The following BIN3 variants were observed in gnomAD, a reference collection of about 807,000 sequenced individuals.
BIN3 encodes bridging integrator 3.
In BIN3, 41 loss-of-function variants were observed where a neutral mutation model predicts 38.2. The ratio of observed to expected loss-of-function variants is 1.07; its 90% CI spans 0.84 to 1.39. The LOEUF is 1.39. Ranked by LOEUF, BIN3 falls within the 40% of genes most tolerant of loss-of-function variation. The pLI is 0.00. For synonymous variants in BIN3, 145 were observed against 122.6 expected, an observed-to-expected ratio of 1.18 and a Z score of -1.21; for missense variants, 361 against 324.3, an observed-to-expected ratio of 1.11 and a Z score of -0.87.
intron 6 of BIN3, chr8:22,629,715 CTGGGTGGGGTGGGAAGGGGGTGG>C: frequency 1.8e-6 from 1 of 566,990 alleles, no homozygotes; most frequent in Non-Finnish European, 3.1e-6. Context: ...GCGGCGGTTG[CTGGGTGGGGTGGGAAGGGGGTGG>C]TGGCAGGGGT....
intron 8 of BIN3, among the ~76,000 whole-genome samples, chr8:22,623,230 C>T (rs1182983944): frequency 6.6e-6 from 1 of 152,166 alleles, no homozygotes; most frequent in Non-Finnish European, 1.5e-5. Context: ...TCTATTTTGC[C>T]AGTTGGGGGA....
At position 22,621,110 on chromosome 8, in the gene BIN3, G is replaced by C; in HGVS notation, c.*312C>G. 3.2e-6 allele frequency: 1 copy of C among 310,562 alleles called. No individual in the cohort carries two copies. Among genetic ancestry groups the C allele is most frequent in the Non-Finnish European group, 6.0e-6 (1 of 166,842 alleles). 19.2% of individuals were successfully genotyped at this position (310,562 alleles called of 1,614,324 possible). A position where few individuals can be genotyped will look rare whatever the true frequency, so the allele number is the denominator to read the frequency against. On this transcript the variant is annotated 3_prime_UTR_variant, in exon 9 of 9. Coordinates refer to ENST00000276416, the MANE Select transcript of BIN3 (RefSeq NM_018688.6). ...GGCTAAGACCCCCAACTTAGCCAAC[G>C]AAGCCCATGGCCTCAGAAGGGCTGC...
At position 22,629,969 on chromosome 8, in the gene BIN3, T is replaced by C; in HGVS notation, c.333A>G (p.Leu111=). 1 of 1,608,602 alleles carries C rather than the reference T, an allele frequency of 6.2e-7. No individual in the cohort carries two copies. The highest frequency in any genetic ancestry group is 8.5e-7 in the Non-Finnish European group (1 of 1,177,266). Residue 111 remains leucine, a synonymous_variant, in exon 6 of 9, where the codon TTA becomes TTG. Coordinates refer to ENST00000276416, the MANE Select transcript of BIN3 (RefSeq NM_018688.6). ...CCCAGGTGACATTTACTCACTTTTT[T>C]AAGGGCTCGATCACAGTCTTCTGGA... The part of the protein sequence containing the change: ...NQIQKTVIEP[L]KKFGSVFPSL...
intron 2 of BIN3, among the ~76,000 whole-genome samples, chr8:22,641,099 C>G (rs771726313): frequency 6.6e-5 from 10 of 152,292 alleles, no homozygotes; most frequent in Middle Eastern, 3.4e-3. Flanking sequence ...CACACTGGAG[C>G]CTCATTCCGA....
chr8:22,649,420 A>G (rs1165429796), intron 1 of BIN3, among the ~76,000 whole-genome samples: 1 of 151,026 alleles, frequency 6.6e-6, no homozygotes, highest in Non-Finnish European at 1.5e-5. Context: ...CAACTATTAC[A>G]GAAAAACGTG....
At chr8:22,668,676 G>A (rs1434100610) in intron 1 of BIN3, among the ~76,000 whole-genome samples, 4 of 152,274 alleles carry the variant, frequency 2.6e-5, no homozygotes, top group Non-Finnish European at 5.9e-5. Context: ...GGAGGGACTG[G>A]CGCGGGGCAG....
intron 1 of BIN3, among the ~76,000 whole-genome samples, chr8:22,647,892 C>T (rs529624993): frequency 3.9e-5 from 6 of 151,952 alleles, no homozygotes; most frequent in South Asian, 2.1e-4. Flanking sequence ...TTTGGGAGGC[C>T]GAGGCGGGTG....
intron 7 of BIN3, 36 bp downstream of exon 7, chr8:22,624,186 C>T (rs1801934350): frequency 1.2e-6 from 2 of 1,602,198 alleles, no homozygotes; most frequent in Non-Finnish European, 1.7e-6. Context: ...CGATGGCCCA[C>T]CTGTCTAGCC....
intron 1 of BIN3, among the ~76,000 whole-genome samples, chr8:22,645,298 C>T (rs1201108615): frequency 6.9e-6 from 1 of 144,362 alleles, no homozygotes; most frequent in Non-Finnish European, 1.5e-5. Context: ...GATCCTATCT[C>T]AAAAAAAAAA....
intron 1 of BIN3, among the ~76,000 whole-genome samples, chr8:22,652,073 CTTATTT>C (rs998810973): frequency 2.7e-5 from 4 of 149,596 alleles, no homozygotes; most frequent in African/African-American, 9.8e-5. Flanking sequence ...AAAATGGTAT[CTTATTT>C]TTATTTCATG....
chr8:22,664,866 A>T (rs1803362515), intron 1 of BIN3, among the ~76,000 whole-genome samples: 1 of 152,254 alleles, frequency 6.6e-6, no homozygotes, highest in African/African-American at 2.4e-5. Context: ...CGGTAATCAT[A>T]GGGGAAAGGA....
rs1183550036 is a variant in BIN3 at position 22,630,600 on chromosome 8, T to C, written c.161-22A>G. The C allele has an allele frequency of 1.9e-6, 3 of 1,613,308 alleles. No individual in the cohort carries two copies. The South Asian group carries it at 3.3e-5, about 18-fold the overall frequency. On this transcript the variant is annotated intron_variant, in intron 4 of 8. Coordinates refer to ENST00000276416, the MANE Select transcript of BIN3 (RefSeq NM_018688.6). ...ATGGCTGTGGGAAGCCAAAGCTCGG[T>C]GAACCTTCTATGAAGGGGCAGGTTT...
chr8:22,660,146 A>G (rs1334184070), intron 1 of BIN3, among the ~76,000 whole-genome samples: 1 of 152,256 alleles, frequency 6.6e-6, no homozygotes, highest in Non-Finnish European at 1.5e-5. Context: ...GTGGAGGCCG[A>G]CAGAGCACCT....
Position 22,621,443 on chromosome 8 carries a change from G to A in BIN3, c.741C>T (p.Leu247=). Residue 247 remains leucine, a synonymous_variant, in exon 9 of 9, where the codon CTC becomes CTT. Coordinates refer to ENST00000276416, the MANE Select transcript of BIN3 (RefSeq NM_018688.6). ...GGATTCAGTCATCGGCCACAATGGA[G>A]AGGGCCCGGAGCTCACTGAGTTTGG... ...NEAKLSELRA[L]SIVADD The A allele has an allele frequency of 6.2e-7, 1 of 1,613,614 alleles. No homozygotes were observed. The highest frequency in any genetic ancestry group is 8.5e-7 in the Non-Finnish European group (1 of 1,179,790).
chr8:22,634,326 C>A (rs1371543559), intron 4 of BIN3: 1 of 369,472 alleles, frequency 2.7e-6, no homozygotes, highest in East Asian at 7.4e-5. Flanking sequence ...TTCAGACCAG[C>A]CCACGGCCCA....
intron 1 of BIN3, among the ~76,000 whole-genome samples, chr8:22,648,150 A>G (rs1290233357): frequency 1.3e-5 from 2 of 151,698 alleles, no homozygotes; most frequent in East Asian, 3.9e-4. Flanking sequence ...AAAAAAAAAA[A>G]AAAAGGAAAA....
chr8:22,643,309 A>G (rs984002356), intron 2 of BIN3, among the ~76,000 whole-genome samples: 2 of 151,440 alleles, frequency 1.3e-5, no homozygotes, highest in Admixed American at 6.6e-5. Flanking sequence ...CTGCCTCTGC[A>G]TGAAGCAGAG....
At position 22,632,305 on chromosome 8, in the gene BIN3, C is replaced by T. The variant is rs558455916; in HGVS notation, c.161-1727G>A. ...TCCCCGGGGAAGGGTCTGCCTCCGC[C>T]AGGCCCCTTCACCAGTCAGCAAAGC... is the stretch of plus-strand genomic sequence containing the variant. On this transcript the variant is annotated intron_variant, in intron 4 of 8. Transcript: ENST00000276416. 4.6e-5 allele frequency among the ~76,000 whole-genome samples: 7 copies of T among 152,338 alleles called. No homozygotes were observed. The South Asian group carries it at 1.4e-3, about 32-fold the overall frequency.
At chr8:22,659,992 T>A (rs1803181367) in intron 1 of BIN3, among the ~76,000 whole-genome samples, 1 of 152,202 alleles carries the variant, frequency 6.6e-6, no homozygotes, top group South Asian at 2.1e-4. Context: ...CCAAGAATGG[T>A]TAGGAAACCT....
Sources: gnomAD v4.1 joint callset for allele counts (sites outside exome capture counted in the v4.1 genomes callset) on GRCh38, gnomAD v4.1.1 for gene constraint, MANE v1.5 for transcripts, NCBI Gene and HGNC (gene_info 2026-07-23, HGNC 2026-07-21) for gene names.